EPHA6: variants seen among roughly 807,000 people sequenced by gnomAD.
The protein encoded by EPHA6 is ephrin type-A receptor 6.
In EPHA6, 50 loss-of-function variants were observed where a neutral mutation model predicts 112.0. The ratio of observed to expected loss-of-function variants is 0.45; its 90% CI spans 0.36 to 0.56. The LOEUF is 0.56. Ranked by LOEUF, EPHA6 falls within the 20% of genes least tolerant of loss-of-function variation. The probability of loss-of-function intolerance (pLI) is 0.00; values close to 1 mark genes in which losing one functional copy is unlikely to be tolerated. For synonymous variants in EPHA6, 529 were observed against 490.7 expected, an observed-to-expected ratio of 1.08 and a Z score of -1.03; for missense variants, 1,280 against 1,417.4, an observed-to-expected ratio of 0.90 and a Z score of 1.56.
At chr3:97,333,391 G>C (rs375101562) in intron 5 of EPHA6, among the ~76,000 whole-genome samples, 1 of 150,876 alleles carries the variant, frequency 6.6e-6, no homozygotes, top group African/African-American at 2.4e-5. Context: ...TATCCCTTGA[G>C]GTTTTTTGTG....
intron 11 of EPHA6, among the ~76,000 whole-genome samples, chr3:97,547,867 A>T (rs908300364): frequency 3.9e-5 from 6 of 152,210 alleles, no homozygotes; most frequent in South Asian, 2.1e-4. Context: ...CCTCCAAGCC[A>T]TGTGTGGGAT....
intron 14 of EPHA6, among the ~76,000 whole-genome samples, chr3:97,669,798 A>G (rs2030611734): frequency 6.6e-6 from 1 of 152,222 alleles, no homozygotes; most frequent in Non-Finnish European, 1.5e-5. Context: ...TACTTGTTAC[A>G]TCTACTTTTC....
At chr3:97,543,670 AT>A (rs1464390376) in intron 11 of EPHA6, among the ~76,000 whole-genome samples, 1 of 152,022 alleles carries the variant, frequency 6.6e-6, no homozygotes, top group East Asian at 1.9e-4. Context: ...CATTGAATCT[AT>A]AAATTACCTT....
chr3:96,855,468 G>A (rs892861782), intron 1 of EPHA6, among the ~76,000 whole-genome samples: 7 of 151,862 alleles, frequency 4.6e-5, no homozygotes, highest in Admixed American at 4.6e-4. Flanking sequence ...TACTTGGGCA[G>A]ATGCTGGGTA....
At chr3:97,144,183 T>G (rs2075981271) in intron 3 of EPHA6, among the ~76,000 whole-genome samples, 1 of 151,714 alleles carries the variant, frequency 6.6e-6, no homozygotes, top group African/African-American at 2.4e-5. Flanking sequence ...TCACAGAACT[T>G]TCCATTTTTG....
At position 97,596,777 on chromosome 3, in the gene EPHA6, CATATATATATAT is replaced by C. The variant is rs57541953; in HGVS notation, c.2512+4061_2512+4072del. Reference sequence around the variant, plus strand: ...TTTTACTAATGAAGTAACTCATATACATATATATATATATATATATATATATATATATGGGTT... The same window carrying C: ...TTTTACTAATGAAGTAACTCATATACATATATATATATATATATATGGGTT... On this transcript the variant is annotated intron_variant, in intron 12 of 17. Coordinates refer to ENST00000389672, the MANE Select transcript of EPHA6 (RefSeq NM_001080448.3). Among the ~76,000 whole-genome samples, 413 of 106,202 alleles carry C rather than the reference CATATATATATAT, an allele frequency of 3.9e-3. 3 individuals carry two copies. The highest frequency in any genetic ancestry group is 0.013 in the African/African-American group (360 of 27,816). The allele number at this position is 106,202 out of a possible 152,430, so 69.7% of individuals were successfully genotyped here.
At chr3:97,480,325 C>T (rs894203609) in intron 9 of EPHA6, among the ~76,000 whole-genome samples, 2 of 151,906 alleles carry the variant, frequency 1.3e-5, no homozygotes, top group Non-Finnish European at 2.9e-5. Context: ...GGAAGGTCAG[C>T]AGATAAACAT....
intron 5 of EPHA6, among the ~76,000 whole-genome samples, chr3:97,348,840 T>A (rs2083664369): frequency 6.6e-6 from 1 of 152,014 alleles, no homozygotes; most frequent in South Asian, 2.1e-4. Context: ...TTTTATTCCA[T>A]GCAACAGGGA....
At chr3:97,095,600 A>G (rs2047212852) in intron 3 of EPHA6, among the ~76,000 whole-genome samples, 1 of 151,946 alleles carries the variant, frequency 6.6e-6, no homozygotes, top group South Asian at 2.1e-4. Context: ...GCTAATGGCT[A>G]CTTAAAAATA....
chr3:97,521,567 TAC>T (rs1205374385), intron 10 of EPHA6, among the ~76,000 whole-genome samples: 2 of 152,148 alleles, frequency 1.3e-5, no homozygotes, highest in Non-Finnish European at 2.9e-5. Context: ...CATGAGAACT[TAC>T]TGTCTATCAT....
chr3:97,368,925 T>A (rs371789126), intron 5 of EPHA6, among the ~76,000 whole-genome samples: 46 of 152,180 alleles, frequency 3.0e-4, no homozygotes, highest in African/African-American at 1.1e-3. Context: ...GAAAATAACC[T>A]GGTTGCTATG....
chr3:96,968,459 T>A (rs1259159310), intron 2 of EPHA6, among the ~76,000 whole-genome samples: 1 of 151,676 alleles, frequency 6.6e-6, no homozygotes, highest in Non-Finnish European at 1.5e-5. Context: ...ATTTCATAAA[T>A]ATTTTTTGAT....
chr3:97,544,620 A>T (rs912546593), intron 11 of EPHA6, among the ~76,000 whole-genome samples: 1 of 152,154 alleles, frequency 6.6e-6, no homozygotes, highest in African/African-American at 2.4e-5. Flanking sequence ...TGAGTTAGGG[A>T]GGATTCACTC....
At chr3:97,276,703 C>G (rs1005836130) in intron 5 of EPHA6, among the ~76,000 whole-genome samples, 1 of 152,080 alleles carries the variant, frequency 6.6e-6, no homozygotes, top group Non-Finnish European at 1.5e-5. Context: ...GAGAATAAGA[C>G]GGCCTTTTGA....
chr3:96,875,197 A>C (rs531492798), intron 2 of EPHA6, among the ~76,000 whole-genome samples: 25 of 152,176 alleles, frequency 1.6e-4, no homozygotes, highest in African/African-American at 6.0e-4. Flanking sequence ...AGATCGTGGA[A>C]GGTAGAATTT....
rs146142878 is a variant in EPHA6, at chr3:97,094,540, A to G, written c.1114+106547A>G. Among the ~76,000 whole-genome samples the G allele has an allele frequency of 1.5e-3, 233 of 152,320 alleles. 1 individual carries two copies. The highest frequency in any genetic ancestry group is 5.2e-3 in the African/African-American group (217 of 41,588). On this transcript the variant is annotated intron_variant, in intron 3 of 17. Transcript: ENST00000389672. ...TTAGTTTAACTTCAAATCAAAGTTT[A>G]GAAATATTAGTGCTAGGCAGCTATT...
chr3:97,058,490 C>T lies in EPHA6; in HGVS notation c.1114+70497C>T, dbSNP rs901656093. 2.6e-5 allele frequency among the ~76,000 whole-genome samples: 4 copies of T among 152,050 alleles called. No homozygotes were observed. The East Asian group carries it at 7.7e-4, about 29-fold the overall frequency. On this transcript the variant is annotated intron_variant, in intron 3 of 17. Transcript: ENST00000389672. ...CTAATTTTTGTATTTTTGGTGGAGA[C>T]GGGGTTTCACCATGTTGGCCAGGCT...
At chr3:96,980,681 T>C (rs1000791806) in intron 2 of EPHA6, among the ~76,000 whole-genome samples, 1 of 152,202 alleles carries the variant, frequency 6.6e-6, no homozygotes, top group African/African-American at 2.4e-5. Flanking sequence ...TTCCTACCCA[T>C]GAGCATGGAA....
At chr3:97,183,911 A>G (rs2077055373) in intron 3 of EPHA6, among the ~76,000 whole-genome samples, 1 of 152,056 alleles carries the variant, frequency 6.6e-6, no homozygotes, top group Admixed American at 6.6e-5. Flanking sequence ...TCACTTCCTT[A>G]GTTCTGTGTT....
Sources: gnomAD v4.1 joint callset for allele counts (sites outside exome capture counted in the v4.1 genomes callset) on GRCh38, gnomAD v4.1.1 for gene constraint, MANE v1.5 for transcripts, NCBI Gene and HGNC (gene_info 2026-07-23, HGNC 2026-07-21) for gene names.